Variants in TMEM131 observed in about 807,000 individuals in gnomAD.
The protein encoded by TMEM131 is 2610524E03Rik.
In TMEM131, 66 loss-of-function variants were observed where a neutral mutation model predicts 211.6. The observed-to-expected ratio is 0.31, with a 90% CI of 0.26 to 0.38. The LOEUF is 0.38. Ranked by LOEUF, TMEM131 falls within the 10% of genes least tolerant of loss-of-function variation. The pLI is 1.00. For missense variants in TMEM131, 2,036 were observed against 2,299.3 expected, an observed-to-expected ratio of 0.89 and a Z score of 2.34; for synonymous variants, 844 against 841.3, an observed-to-expected ratio of 1.00 and a Z score of -0.06.
chr2:97,758,839 G>C, intron 40 of TMEM131, 54 bp downstream of exon 40: 1 of 1,558,072 alleles, frequency 6.4e-7, no homozygotes, highest in East Asian at 2.4e-5. Flanking sequence ...AGCAATGGCA[G>C]ATGGCGAGTG....
intron 1 of TMEM131, among the ~76,000 whole-genome samples, chr2:97,955,203 T>C (rs1242570040): frequency 6.6e-6 from 1 of 152,024 alleles, no homozygotes; most frequent in East Asian, 1.9e-4. Flanking sequence ...GAATCAAATA[T>C]ACTAATAAAT....
intron 1 of TMEM131, among the ~76,000 whole-genome samples, chr2:97,948,652 CTTTTT>C (rs137894541): frequency 6.7e-6 from 1 of 149,322 alleles, no homozygotes; most frequent in East Asian, 2.0e-4. Context: ...TCAGTAGTTT[CTTTTT>C]TTTTTATTTA....
intron 1 of TMEM131, among the ~76,000 whole-genome samples, chr2:97,980,492 A>C (rs1469524341): frequency 4.6e-5 from 7 of 152,218 alleles, no homozygotes; most frequent in African/African-American, 1.7e-4. Context: ...ATAAAATGGT[A>C]CAGCCGCTTT....
In TMEM131 at chr2:97,995,633, G is replaced by A; in HGVS notation, c.30C>T (p.Thr10=). The A allele has an allele frequency of 8.1e-7, 1 of 1,227,056 alleles. No individual in the cohort carries two copies. Among genetic ancestry groups the A allele is most frequent in the Non-Finnish European group, 1.0e-6 (1 of 984,194 alleles). 76.0% of individuals were successfully genotyped at this position (1,227,056 alleles called of 1,614,324 possible). Reference sequence around the variant, plus strand: ...TGGAGACGGCGGCGGTGGTGGCTCCGGTTGCTCCTCCTCCCGCCCGCTTCC... The same window carrying A: ...TGGAGACGGCGGCGGTGGTGGCTCCAGTTGCTCCTCCTCCCGCCCGCTTCC... The part of the protein sequence containing the change: MGKRAGGGA[T]GATTAAVSTS... The change falls in exon 1 of 41, where the codon ACC becomes ACT. Residue 10 remains threonine, a synonymous_variant. Coordinates refer to ENST00000186436, the MANE Select transcript of TMEM131 (RefSeq NM_015348.2).
Position 97,947,077 on chromosome 2 carries a change from CAT to C in TMEM131, c.188-19592_188-19591del, listed in dbSNP as rs1678078149. On this transcript the variant is annotated intron_variant, in intron 1 of 40. Transcript: ENST00000186436. ...AGAACTTCCTTAAGCTGATAAAAGA[CAT>C]GTACAAAAGATATACAGCTATCATC... 2.6e-5 allele frequency among the ~76,000 whole-genome samples: 4 copies of C among 152,054 alleles called. No homozygotes were observed. In the South Asian group the frequency reaches 6.2e-4, roughly 24 times the overall value.
At chr2:97,805,252 A>G (rs1681242816) in intron 21 of TMEM131, 47 bp from the exon 22 acceptor site, 4 of 1,577,788 alleles carry the variant, frequency 2.5e-6, no homozygotes, top group Non-Finnish European at 3.5e-6. Flanking sequence ...TCACTTGTCA[A>G]TTTTCCTTCA....
At chr2:97,878,616 A>G (rs1286325619) in intron 4 of TMEM131, among the ~76,000 whole-genome samples, 5 of 152,160 alleles carry the variant, frequency 3.3e-5, no homozygotes, top group Non-Finnish European at 5.9e-5. Context: ...CAAACACTGC[A>G]TGTTCTTACT....
chr2:97,856,299 C>CAGATAATTAT (rs1182137263), intron 5 of TMEM131, among the ~76,000 whole-genome samples: 1 of 152,018 alleles, frequency 6.6e-6, no homozygotes, highest in Admixed American at 6.6e-5. Flanking sequence ...ATTCAATTAA[C>CAGATAATTAT]AGATAATTAT....
At chr2:97,786,332 A>G (rs1289622393) in intron 31 of TMEM131, among the ~76,000 whole-genome samples, 2 of 152,178 alleles carry the variant, frequency 1.3e-5, no homozygotes, top group African/African-American at 4.8e-5. Context: ...GGATTGCTTG[A>G]GCCCAGCATG....
At chr2:97,860,449 G>A (rs1674022164) in intron 4 of TMEM131, among the ~76,000 whole-genome samples, 1 of 151,984 alleles carries the variant, frequency 6.6e-6, no homozygotes, top group African/African-American at 2.4e-5. Context: ...CATGGTTTTC[G>A]AAATTTTACA....
chr2:97,807,425 A>G (rs903771607), intron 19 of TMEM131, among the ~76,000 whole-genome samples: 14 of 152,128 alleles, frequency 9.2e-5, no homozygotes, highest in Admixed American at 1.3e-4. Context: ...GGTTGTTAAA[A>G]AAGAGCCTGG....
chr2:97,954,184 T>A (rs1678454934), intron 1 of TMEM131, among the ~76,000 whole-genome samples: 1 of 151,860 alleles, frequency 6.6e-6, no homozygotes, highest in East Asian at 1.9e-4. Context: ...CCAATGAAAT[T>A]GAAAACAGGA....
intron 1 of TMEM131, among the ~76,000 whole-genome samples, chr2:97,979,046 C>T (rs1490277729): frequency 1.3e-5 from 2 of 152,244 alleles, no homozygotes; most frequent in African/African-American, 2.4e-5. Flanking sequence ...ACATCTCCAT[C>T]AGTGCTCCTG....
chr2:97,991,359 G>A (rs1680258028), intron 1 of TMEM131, among the ~76,000 whole-genome samples: 1 of 152,232 alleles, frequency 6.6e-6, no homozygotes, highest in Admixed American at 6.5e-5. Flanking sequence ...AAAGGCGGTA[G>A]GAGAGAGGCT....
intron 11 of TMEM131, among the ~76,000 whole-genome samples, chr2:97,826,129 T>C (rs1403410504): frequency 6.6e-6 from 1 of 152,208 alleles, no homozygotes; most frequent in Non-Finnish European, 1.5e-5. Context: ...TTAACCTATA[T>C]ACTGATGAAA....
At chr2:97,889,872 C>T (rs1054040451) in intron 3 of TMEM131, among the ~76,000 whole-genome samples, 1 of 152,132 alleles carries the variant, frequency 6.6e-6, no homozygotes, top group Admixed American at 6.5e-5. Flanking sequence ...TCTCATGGCA[C>T]TAACCTCCTA....
intron 1 of TMEM131, among the ~76,000 whole-genome samples, chr2:97,967,741 G>C (rs1679119522): frequency 6.6e-6 from 1 of 152,078 alleles, no homozygotes; most frequent in South Asian, 2.1e-4. Flanking sequence ...TTCCCACTTA[G>C]TCTAAGAGGA....
chr2:97,927,268 C>T, intron 2 of TMEM131, 158 bp downstream of exon 2: 1 of 460,878 alleles, frequency 2.2e-6, no homozygotes, highest in Non-Finnish European at 3.7e-6. Flanking sequence ...CACGTAACTA[C>T]AGAGGTTTTT....
At position 97,756,987 on chromosome 2, in the gene TMEM131, A is replaced by G; in HGVS notation, c.*112T>C. On this transcript the variant is annotated 3_prime_UTR_variant, in exon 41 of 41. Transcript: ENST00000186436. ...CCCTGCTTGGGTCTGTTTTGCAAAG[A>G]AGAGGAGGGTGGGGAGGGGAGCTGC... The G allele has an allele frequency of 7.5e-7, 1 of 1,338,752 alleles. No individual in the cohort carries two copies. Among genetic ancestry groups the G allele is most frequent in the Non-Finnish European group, 9.9e-7 (1 of 1,006,792 alleles). The allele number at this position is 1,338,752 out of a possible 1,614,324, so 82.9% of individuals were successfully genotyped here. A position where few individuals can be genotyped will look rare whatever the true frequency, so the allele number is the denominator to read the frequency against.
Sources: allele counts gnomAD v4.1 joint callset (sites outside exome capture counted in the v4.1 genomes callset), GRCh38; gene constraint gnomAD v4.1.1; transcripts MANE v1.5; gene names NCBI Gene and HGNC (gene_info 2026-07-23, HGNC 2026-07-21).